Variants in KIFAP3 observed in about 807,000 individuals in gnomAD.
The protein encoded by KIFAP3 is kinesin-associated protein 3.
KIFAP3 carries 68 observed loss-of-function variants against 106.5 expected under a neutral mutation model. That is an observed-to-expected ratio of 0.64 (90% CI 0.53 to 0.78). The LOEUF (loss-of-function observed/expected upper bound fraction) is 0.78, where lower values mean the gene tolerates loss of function less well. KIFAP3 is among the 30% of genes least tolerant of loss of function. KIFAP3 has a pLI of 0.00. For synonymous variants in KIFAP3, 320 were observed against 311.5 expected (o/e 1.03, Z -0.29); for missense variants, 780 against 941.8 (o/e 0.83, Z 2.25).
intron 17 of KIFAP3, among the ~76,000 whole-genome samples, chr1:169,968,743 A>C (rs1252159405): frequency 6.6e-6 from 1 of 151,838 alleles, no homozygotes; most frequent in East Asian, 1.9e-4. Flanking sequence ...AAGTAAAAGA[A>C]ATAACTAAAT....
intron 2 of KIFAP3, among the ~76,000 whole-genome samples, chr1:170,049,430 T>C (rs778840844): frequency 6.6e-6 from 1 of 152,162 alleles, no homozygotes; most frequent in Non-Finnish European, 1.5e-5. Context: ...CTGGCTTTGA[T>C]GAGAGCAGCT....
At chr1:169,987,869 C>T (rs1416144031) in intron 11 of KIFAP3, among the ~76,000 whole-genome samples, 1 of 152,058 alleles carries the variant, frequency 6.6e-6, no homozygotes, top group Non-Finnish European at 1.5e-5. Context: ...AAACATGCAT[C>T]TCAGAGGTCT....
At chr1:170,055,797 T>C (rs1325256441) in intron 1 of KIFAP3, among the ~76,000 whole-genome samples, 1 of 151,944 alleles carries the variant, frequency 6.6e-6, no homozygotes, top group Non-Finnish European at 1.5e-5. Flanking sequence ...TAAAAGTCAG[T>C]TATTCAAAAC....
At chr1:170,040,157 C>T (rs894444408) in intron 3 of KIFAP3, among the ~76,000 whole-genome samples, 5 of 151,996 alleles carry the variant, frequency 3.3e-5, no homozygotes, top group Non-Finnish European at 7.4e-5. Flanking sequence ...AGATAATTTA[C>T]TAAGACAGTG....
chr1:169,955,215 T>C (rs1321286799), intron 18 of KIFAP3, among the ~76,000 whole-genome samples: 1 of 152,172 alleles, frequency 6.6e-6, no homozygotes, highest in Non-Finnish European at 1.5e-5. Flanking sequence ...TATAGGCAAA[T>C]TATTCAATCA....
chr1:170,064,317 T>C (rs1671328158), intron 1 of KIFAP3, among the ~76,000 whole-genome samples: 1 of 152,186 alleles, frequency 6.6e-6, no homozygotes, highest in Non-Finnish European at 1.5e-5. Context: ...TCATCCTTAA[T>C]GTTAAGGGAA....
chr1:170,004,995 C>T (rs1385632798), intron 10 of KIFAP3, among the ~76,000 whole-genome samples: 21 of 151,478 alleles, frequency 1.4e-4, no homozygotes, highest in African/African-American at 2.7e-4. Flanking sequence ...TACAATGAAC[C>T]CAAACAAATT....
intron 16 of KIFAP3, among the ~76,000 whole-genome samples, chr1:169,973,732 C>T (rs970423111): frequency 6.6e-6 from 1 of 151,520 alleles, no homozygotes; most frequent in Non-Finnish European, 1.5e-5. Context: ...ACCTAGAAGT[C>T]TATATTCTGT....
chr1:169,950,879 A>G (rs1211009372), intron 19 of KIFAP3, among the ~76,000 whole-genome samples: 1 of 152,016 alleles, frequency 6.6e-6, no homozygotes, highest in Non-Finnish European at 1.5e-5. Flanking sequence ...AAATTATCAT[A>G]TTGAAATATA....
intron 10 of KIFAP3, among the ~76,000 whole-genome samples, chr1:170,001,502 GACATGT>G (rs2101961349): frequency 6.6e-6 from 1 of 152,218 alleles, no homozygotes; most frequent in South Asian, 2.1e-4. Context: ...CTGACGGCGA[GACATGT>G]GCTTTCTGTT....
At chr1:170,039,003 A>T (rs1198847405) in intron 4 of KIFAP3, among the ~76,000 whole-genome samples, 3 of 152,216 alleles carry the variant, frequency 2.0e-5, no homozygotes, top group Non-Finnish European at 2.9e-5. Flanking sequence ...AAATCGCTTG[A>T]ACCCGGGAGG....
chr1:170,007,788 C>G (rs1216237518), intron 10 of KIFAP3, among the ~76,000 whole-genome samples: 1 of 151,942 alleles, frequency 6.6e-6, no homozygotes, highest in Non-Finnish European at 1.5e-5. Flanking sequence ...CATATGGAAC[C>G]AAAAAAGAGC....
At chr1:170,069,962 C>T (rs1254733339) in intron 1 of KIFAP3, among the ~76,000 whole-genome samples, 3 of 151,978 alleles carry the variant, frequency 2.0e-5, no homozygotes, top group Non-Finnish European at 4.4e-5. Flanking sequence ...CTAATAAATT[C>T]AGCAAAGTTG....
chr1:169,973,532 T>TAA (rs762446839), intron 16 of KIFAP3, among the ~76,000 whole-genome samples: 2 of 140,028 alleles, frequency 1.4e-5, no homozygotes, highest in African/African-American at 2.6e-5. Context: ...AACTTGATAT[T>TAA]AAAAAAAAAA....
chr1:170,024,360 T>A, intron 9 of KIFAP3, 58 bp downstream of exon 9: 1 of 1,149,354 alleles, frequency 8.7e-7, no homozygotes, highest in Non-Finnish European at 1.2e-6. Context: ...TTTTTCAAAA[T>A]ATTCTAACTT....
chr1:170,074,467 T>TGGCGGC lies in KIFAP3; in HGVS notation c.-6_-1dup, dbSNP rs762379734. On this transcript the variant is annotated 5_prime_UTR_variant, in exon 1 of 20. Transcript: ENST00000361580. The stretch of plus-strand genomic sequence containing the variant: ...AGGTATCTGGCGTCCTCCCCTTGCA[T>TGGCGGC]GGCGGCAGCGGCAGCGGCGTGGAGA... 1.5e-5 allele frequency: 24 copies of TGGCGGC among 1,591,452 alleles called. No homozygotes were observed. Among genetic ancestry groups the TGGCGGC allele is most frequent in the African/African-American group, 1.5e-4 (11 of 74,762 alleles).
In KIFAP3 at chr1:170,035,453, C is replaced by A; in HGVS notation, c.617+1G>T. The A allele has an allele frequency of 4.4e-6, 7 of 1,586,218 alleles. No individual in the cohort carries two copies. Among genetic ancestry groups the A allele is most frequent in the Non-Finnish European group, 6.0e-6 (7 of 1,161,152 alleles). On this transcript the variant is annotated splice_donor_variant, in intron 6 of 19. Transcript: ENST00000361580. LOFTEE classifies it high-confidence loss of function. ...TTTTATTTAATAATTTTTATACTTA[C>A]CTGGAGAAACAAAAAAAGATGTAAA...
chr1:170,076,851 A>G (rs1671928895), upstream of KIFAP3, among the ~76,000 whole-genome samples: 1 of 152,240 alleles, frequency 6.6e-6, no homozygotes, highest in Non-Finnish European at 1.5e-5. Context: ...ATAATTCTAA[A>G]GGAAAAGAAA....
At chr1:170,047,614 C>A (rs529151206) in intron 2 of KIFAP3, among the ~76,000 whole-genome samples, 1 of 104,762 alleles carries the variant, frequency 9.5e-6, no homozygotes. Flanking sequence ...GGGCGAGGCT[C>A]TGTCTCAAAA....
Sources: gnomAD v4.1 joint callset for allele counts (sites outside exome capture counted in the v4.1 genomes callset) on GRCh38, gnomAD v4.1.1 for gene constraint, MANE v1.5 for transcripts, NCBI Gene and HGNC (gene_info 2026-07-23, HGNC 2026-07-21) for gene names.